Variants in TVP23A observed in about 807,000 individuals in gnomAD.
TVP23A encodes the protein Golgi apparatus membrane protein TVP23 homolog A.
In TVP23A, 21 loss-of-function variants were observed where a neutral mutation model predicts 31.7. The ratio of observed to expected loss-of-function variants is 0.66; its 90% CI spans 0.47 to 0.95. TVP23A has a LOEUF of 0.95. Ranked by LOEUF, TVP23A falls within the 40% of genes least tolerant of loss-of-function variation. The pLI is 0.00. For missense variants in TVP23A, 279 were observed against 255.6 expected, an observed-to-expected ratio of 1.09 and a Z score of -0.62; for synonymous variants, 104 against 96.0, an observed-to-expected ratio of 1.08 and a Z score of -0.49.
intron 2 of TVP23A, among the ~76,000 whole-genome samples, chr16:10,797,431 A>C (rs2033449686): frequency 6.6e-6 from 1 of 151,958 alleles, no homozygotes; most frequent in Non-Finnish European, 1.5e-5. Flanking sequence ...ACATGCCTGT[A>C]ATCCCAGCTA....
chr16:10,773,720 G>A (rs1186187382), intron 4 of TVP23A, among the ~76,000 whole-genome samples: 2 of 152,010 alleles, frequency 1.3e-5, no homozygotes, highest in Non-Finnish European at 2.9e-5. Flanking sequence ...ACAGGTGCCT[G>A]CCACCACGCC....
At chr16:10,815,525 G>T (rs752493062) in intron 2 of TVP23A, among the ~76,000 whole-genome samples, 6 of 152,258 alleles carry the variant, frequency 3.9e-5, no homozygotes, top group Non-Finnish European at 5.9e-5. Context: ...TTGCCCCACA[G>T]AGGATATTTG....
intron 2 of TVP23A, among the ~76,000 whole-genome samples, chr16:10,787,402 G>A (rs2032827771): frequency 6.6e-6 from 1 of 152,148 alleles, no homozygotes; most frequent in Non-Finnish European, 1.5e-5. Flanking sequence ...ATAGGAAAAG[G>A]CTACCTGGGA....
In TVP23A at chr16:10,766,892, G is replaced by C; in HGVS notation, c.*2210C>G. On this transcript the variant is annotated 3_prime_UTR_variant, in exon 8 of 8. Transcript: ENST00000299866. This position sits in a 1 kb window ranked among gnomAD's most constrained non-coding sequence, Gnocchi z 4.8. ...TATGGAGAGGACATTTCCTGTTATG[G>C]CTCAAGTGCGAATTGGCCTTATGTT... The C allele has an allele frequency of 2.5e-6, 1 of 398,558 alleles. No homozygotes were observed. 24.7% of individuals were successfully genotyped at this position (398,558 alleles called of 1,614,324 possible). A position where few individuals can be genotyped will look rare whatever the true frequency, so the allele number is the denominator to read the frequency against.
chr16:10,813,555 A>G (rs4781000), intron 2 of TVP23A, among the ~76,000 whole-genome samples: 25,796 of 152,140 alleles, frequency 0.17, 5,928 homozygotes, highest in African/African-American at 0.52. Context: ...ATCAGCATGG[A>G]CAACATAGCA....
chr16:10,816,588 C>T (rs919898396), intron 2 of TVP23A, among the ~76,000 whole-genome samples: 10 of 152,088 alleles, frequency 6.6e-5, no homozygotes, highest in Admixed American at 1.3e-4. Context: ...CCCGCCTTGG[C>T]CTCCCAAAGT....
chr16:10,805,618 G>A (rs539686183), intron 2 of TVP23A, among the ~76,000 whole-genome samples: 16 of 150,848 alleles, frequency 1.1e-4, no homozygotes, highest in African/African-American at 2.0e-4. Context: ...TGGGCTCCAC[G>A]TGAAGAGGAC....
chr16:10,771,522 G>A (rs1053468770), intron 6 of TVP23A, 148 bp downstream of exon 6: 8 of 1,053,766 alleles, frequency 7.6e-6, no homozygotes, highest in East Asian at 2.7e-5. Context: ...GTGACAGAGC[G>A]AGATCCTGTC....
At chr16:10,778,700 C>A (rs1006468758) in intron 2 of TVP23A, among the ~76,000 whole-genome samples, 1 of 150,226 alleles carries the variant, frequency 6.7e-6, no homozygotes, top group Non-Finnish European at 1.5e-5. Flanking sequence ...GCGCGGTGGC[C>A]CATGCCTATA....
At chr16:10,807,289 C>A (rs906165702) in intron 2 of TVP23A, among the ~76,000 whole-genome samples, 4 of 151,968 alleles carry the variant, frequency 2.6e-5, no homozygotes, top group African/African-American at 9.7e-5. Flanking sequence ...AGGATGAGTG[C>A]CCACCAAGGT....
rs1287142409 is a variant in TVP23A at position 10,777,368 on chromosome 16, G to A, written c.90-2272C>T. On this transcript the variant is annotated intron_variant, in intron 2 of 7. Coordinates refer to ENST00000299866, the MANE Select transcript of TVP23A (RefSeq NM_001079512.4). This position sits in a 1 kb window ranked among gnomAD's most constrained non-coding sequence, Gnocchi z 4.5. ...TGTTTCTCACTGGCCTGCGAGCAGT[G>A]AGCTTGCAACCTCTGGATTAGGTTA... Among the ~76,000 whole-genome samples, 1 of 152,132 alleles carries A rather than the reference G, an allele frequency of 6.6e-6. No individual in the cohort carries two copies. Among genetic ancestry groups the A allele is most frequent in the East Asian group, 1.9e-4 (1 of 5,202 alleles).
intron 2 of TVP23A, 92 bp from the exon 3 acceptor site, chr16:10,775,188 T>G (rs982514189): frequency 6.7e-7 from 1 of 1,501,072 alleles, no homozygotes; most frequent in African/African-American, 1.4e-5. Flanking sequence ...CTGGGGGTGT[T>G]AGCGTGGCTC....
At chr16:10,817,194 C>T (rs981303036) in intron 2 of TVP23A, among the ~76,000 whole-genome samples, 3 of 152,238 alleles carry the variant, frequency 2.0e-5, no homozygotes, top group African/African-American at 7.2e-5. Flanking sequence ...GGAGAATAAA[C>T]TTCTTTTGTC....
chr16:10,772,628 C>T (rs1307803640), intron 5 of TVP23A, among the ~76,000 whole-genome samples: 1 of 152,166 alleles, frequency 6.6e-6, no homozygotes, highest in African/African-American at 2.4e-5. Flanking sequence ...CCACAGCCTC[C>T]CAAAGTGCTG....
At chr16:10,792,441 G>A (rs2033156503) in intron 2 of TVP23A, among the ~76,000 whole-genome samples, 1 of 152,088 alleles carries the variant, frequency 6.6e-6, no homozygotes, top group African/African-American at 2.4e-5. Flanking sequence ...ATACCTCCTG[G>A]GAGTTACGAA....
chr16:10,771,670 C>G lies in TVP23A; in HGVS notation c.582G>C (p.Thr194=), dbSNP rs553416754. The G allele has an allele frequency of 2.5e-6, 4 of 1,613,850 alleles. No homozygotes were observed. Among genetic ancestry groups the G allele is most frequent in the Non-Finnish European group, 3.4e-6 (4 of 1,179,832 alleles). The change falls in exon 6 of 8, where the codon ACG becomes ACC. Residue 194 remains threonine, a splice_region_variant and synonymous_variant. Transcript: ENST00000299866. ...ASFLSQTVFQ[T]ACPGDFQKPG... ...CAAGAGTCAGACCTCAGTTACTCACCGTCTGGAACACTGTCTGGGACAGGA... is the reference window on the plus strand; with the variant it reads ...CAAGAGTCAGACCTCAGTTACTCACGGTCTGGAACACTGTCTGGGACAGGA...
intron 2 of TVP23A, among the ~76,000 whole-genome samples, chr16:10,782,358 C>T (rs994556669): frequency 1.3e-5 from 2 of 152,302 alleles, no homozygotes; most frequent in African/African-American, 4.8e-5. Flanking sequence ...TGGCCTGCCC[C>T]TTGCTCCTTT....
intron 2 of TVP23A, chr16:10,775,597 T>A (rs1423336896): frequency 4.1e-6 from 4 of 970,856 alleles, no homozygotes; most frequent in Non-Finnish European, 4.9e-6. Flanking sequence ...TAACTCATCA[T>A]ACTTGCTCAG....
intron 2 of TVP23A, among the ~76,000 whole-genome samples, chr16:10,790,968 C>A (rs1225595738): frequency 1.3e-5 from 2 of 152,146 alleles, no homozygotes; most frequent in Non-Finnish European, 2.9e-5. Context: ...CACCTCTTCC[C>A]ATCATGGCCT....
Sources: allele counts gnomAD v4.1 joint callset (sites outside exome capture counted in the v4.1 genomes callset), GRCh38; gene constraint gnomAD v4.1.1; non-coding constraint Gnocchi (gnomAD v3.1); transcripts MANE v1.5; gene names NCBI Gene and HGNC (gene_info 2026-07-23, HGNC 2026-07-21).